The following RANBP3 variants were observed in gnomAD, a reference collection of about 807,000 sequenced individuals.
RANBP3 encodes ran-binding protein 3.
A neutral mutation model predicts 77.3 loss-of-function variants in RANBP3; 14 were observed. The observed-to-expected ratio is 0.18, with a 90% CI of 0.12 to 0.28. RANBP3 has a LOEUF of 0.28. Among genes scored for constraint, RANBP3 ranks in the 10% least tolerant of loss-of-function variants. The pLI, the probability that RANBP3 is intolerant of heterozygous loss-of-function variation, is 1.00. For missense variants in RANBP3, 586 were observed against 752.3 expected, an observed-to-expected ratio of 0.78 and a Z score of 2.59; for synonymous variants, 315 against 312.4, an observed-to-expected ratio of 1.01 and a Z score of -0.09.
chr19:5,963,470 G>C (rs1232615108), intron 1 of RANBP3, among the ~76,000 whole-genome samples: 1 of 152,230 alleles, frequency 6.6e-6, no homozygotes, highest in African/African-American at 2.4e-5. Flanking sequence ...AGGACTGCTT[G>C]AGCCCAGGAG....
intron 2 of RANBP3, among the ~76,000 whole-genome samples, chr19:5,955,783 T>C (rs1188660940): frequency 1.3e-5 from 2 of 152,198 alleles, no homozygotes; most frequent in Non-Finnish European, 2.9e-5. Context: ...ACTACTGCTG[T>C]AGCAGCCACA....
intron 1 of RANBP3, among the ~76,000 whole-genome samples, chr19:5,969,820 C>T (rs2058510065): frequency 1.3e-5 from 2 of 152,218 alleles, no homozygotes; most frequent in South Asian, 4.1e-4. Context: ...GGACCAGAGG[C>T]AGTGTTAAAG....
chr19:5,953,984 C>T (rs961575042), intron 2 of RANBP3, among the ~76,000 whole-genome samples: 1 of 152,200 alleles, frequency 6.6e-6, no homozygotes, highest in African/African-American at 2.4e-5. Context: ...GGTCCCAATC[C>T]GTAGTGTGCT....
At chr19:5,955,738 T>C (rs1157127382) in intron 2 of RANBP3, among the ~76,000 whole-genome samples, 1 of 152,208 alleles carries the variant, frequency 6.6e-6, no homozygotes, top group Non-Finnish European at 1.5e-5. Context: ...CTAAATATCT[T>C]AAGGCTCTGC....
rs556244992 is a variant in RANBP3, at chr19:5,968,620, G to T, written c.22+9441C>A. On this transcript the variant is annotated intron_variant, in intron 1 of 16. Transcript: ENST00000340578. ...TGCGTCAGAGTCTGACCCCTTTTAG[G>T]GGGTGGAATGGTTGGATCCAAGAGC... 3.3e-5 allele frequency among the ~76,000 whole-genome samples: 5 copies of T among 152,350 alleles called. No homozygotes were observed. The East Asian group carries it at 5.8e-4, about 18-fold the overall frequency.
chr19:5,964,920 T>C (rs1289415964), intron 1 of RANBP3, among the ~76,000 whole-genome samples: 1 of 151,324 alleles, frequency 6.6e-6, no homozygotes, highest in Non-Finnish European at 1.5e-5. Context: ...TGCACATTTA[T>C]ACCTGCATGT....
chr19:5,918,613 T>C lies in RANBP3; in HGVS notation c.1356A>G (p.Arg452=), dbSNP rs2057776872. 1 of 1,613,588 alleles carries C rather than the reference T, an allele frequency of 6.2e-7. No individual in the cohort carries two copies. Among genetic ancestry groups the C allele is most frequent in the Non-Finnish European group, 8.5e-7 (1 of 1,179,848 alleles). Residue 452 remains arginine (R), a synonymous_variant, in exon 15 of 17, where the codon CGA becomes CGG. Transcript: ENST00000340578. The part of the protein sequence containing the change: ...RLVMRTQGSL[R]LILNTKLWAQ... ...CCCACAGCTTGGTGTTGAGGATCAGTCGCAGGCTCCCCTGGGTCCGCATCA... is the reference window on the plus strand; with the variant it reads ...CCCACAGCTTGGTGTTGAGGATCAGCCGCAGGCTCCCCTGGGTCCGCATCA...
At chr19:5,932,690 T>C in intron 6 of RANBP3, 146 bp from the exon 7 acceptor site, 2 of 608,404 alleles carry the variant, frequency 3.3e-6, no homozygotes, top group Non-Finnish European at 5.8e-6. Context: ...TGAGGTCTTT[T>C]TTTAACAGCT....
In RANBP3 at chr19:5,917,498, G is replaced by T. The variant is rs2057753856; in HGVS notation, c.*112C>A. Reference sequence around the variant, plus strand: ...GGTCCAGACTGTGGCCGGCCCAGTGGGGTGTGTGGTTCCCGGCCCCGCACC... The same window carrying T: ...GGTCCAGACTGTGGCCGGCCCAGTGTGGTGTGTGGTTCCCGGCCCCGCACC... On this transcript the variant is annotated 3_prime_UTR_variant, in exon 17 of 17. Coordinates refer to ENST00000340578, the MANE Select transcript of RANBP3 (RefSeq NM_007322.3). 3.2e-6 allele frequency: 4 copies of T among 1,234,408 alleles called. No homozygotes were observed. The highest frequency in any genetic ancestry group is 4.4e-6 in the Non-Finnish European group (4 of 900,894). 76.5% of individuals were successfully genotyped at this position (1,234,408 alleles called of 1,614,324 possible).
At chr19:5,932,398 G>T in intron 7 of RANBP3, 54 bp downstream of exon 7, 1 of 1,484,956 alleles carries the variant, frequency 6.7e-7, no homozygotes, top group South Asian at 1.1e-5. Flanking sequence ...GTGCGACTTC[G>T]GGAACGCTCT....
In RANBP3 at chr19:5,959,283, G is replaced by C. The variant is rs1319666206; in HGVS notation, c.23-1310C>G. Among the ~76,000 whole-genome samples, 1 of 152,094 alleles carries C rather than the reference G, an allele frequency of 6.6e-6. No homozygotes were observed. The highest frequency in any genetic ancestry group is 1.9e-4 in the East Asian group (1 of 5,176). ...AAACAGTTTGGGGAAGGGAGTGAGA[G>C]TGGCTGTGGGGAGACCAGGTGGGTA... On this transcript the variant is annotated intron_variant, in intron 1 of 16. Coordinates refer to ENST00000340578, the MANE Select transcript of RANBP3 (RefSeq NM_007322.3). The surrounding 1 kb of genome is among the most constrained non-coding windows in gnomAD (Gnocchi z 5.1).
chr19:5,968,063 T>C (rs553602472), intron 1 of RANBP3, among the ~76,000 whole-genome samples: 1 of 152,058 alleles, frequency 6.6e-6, no homozygotes, highest in Admixed American at 6.5e-5. Context: ...CGTGGAGAGA[T>C]GGAGGATCCA....
At chr19:5,961,157 G>C (rs1018967013) in intron 1 of RANBP3, among the ~76,000 whole-genome samples, 28 of 152,228 alleles carry the variant, frequency 1.8e-4, no homozygotes, top group African/African-American at 6.7e-4. Context: ...TAAAACTGCA[G>C]TGTTGGCCGG....
chr19:5,967,059 T>C (rs2058475920), intron 1 of RANBP3, among the ~76,000 whole-genome samples: 1 of 152,250 alleles, frequency 6.6e-6, no homozygotes, highest in Non-Finnish European at 1.5e-5. Context: ...AATCTGTCAC[T>C]GACGTGTCAG....
chr19:5,963,320 CGAGG>C, intron 1 of RANBP3, among the ~76,000 whole-genome samples: 1 of 152,052 alleles, frequency 6.6e-6, no homozygotes, highest in Non-Finnish European at 1.5e-5. Flanking sequence ...GGGAGGGTGA[CGAGG>C]GAGGATCACT....
intron 5 of RANBP3, among the ~76,000 whole-genome samples, chr19:5,937,182 A>G (rs1347862108): frequency 6.6e-6 from 1 of 151,690 alleles, no homozygotes; most frequent in Non-Finnish European, 1.5e-5. Flanking sequence ...TGAGGTACAC[A>G]CAGTCCCAGA....
chr19:5,975,424 C>G (rs1366924576), intron 1 of RANBP3, among the ~76,000 whole-genome samples: 1 of 152,030 alleles, frequency 6.6e-6, no homozygotes. Context: ...AACAGTATCC[C>G]CTGGAAAAGG....
chr19:5,917,662 A>T lies in RANBP3; in HGVS notation c.1661-9T>A. 1 of 1,606,124 alleles carries T rather than the reference A, an allele frequency of 6.2e-7. No homozygotes were observed. The highest frequency in any genetic ancestry group is 8.5e-7 in the Non-Finnish European group (1 of 1,178,858). Reference sequence around the variant, plus strand: ...CCCTTCGTCACCAGCACCTGCAGGGAAGCAGCAGCCCCGCATCAGGATGGA... The same window carrying T: ...CCCTTCGTCACCAGCACCTGCAGGGTAGCAGCAGCCCCGCATCAGGATGGA... On this transcript the variant is annotated splice_polypyrimidine_tract_variant and intron_variant, in intron 16 of 16. Transcript: ENST00000340578.
At chr19:5,920,140 T>A (rs529888258) in intron 14 of RANBP3, among the ~76,000 whole-genome samples, 113 of 152,334 alleles carry the variant, frequency 7.4e-4, no homozygotes, top group African/African-American at 2.6e-3. Context: ...CCCACGCCTG[T>A]AATTCCAGCG....
Sources: gnomAD v4.1 joint callset for allele counts (sites outside exome capture counted in the v4.1 genomes callset) on GRCh38, gnomAD v4.1.1 for gene constraint, Gnocchi (gnomAD v3.1) non-coding constraint, MANE v1.5 for transcripts, NCBI Gene and HGNC (gene_info 2026-07-23, HGNC 2026-07-21) for gene names.